NELFA: variants seen among roughly 807,000 people sequenced by gnomAD.
NELFA encodes negative elongation factor A.
In NELFA, 35 loss-of-function variants were observed where a neutral mutation model predicts 51.8. The ratio of observed to expected loss-of-function variants is 0.68; its 90% CI spans 0.52 to 0.90. The LOEUF (loss-of-function observed/expected upper bound fraction) is 0.90. Ranked by LOEUF, NELFA falls within the 40% of genes least tolerant of loss-of-function variation. NELFA has a pLI of 0.00. For synonymous variants in NELFA, 417 were observed against 338.4 expected, an observed-to-expected ratio of 1.23 and a Z score of -2.55; for missense variants, 658 against 746.4, an observed-to-expected ratio of 0.88 and a Z score of 1.38.
intron 4 of NELFA, chr4:1,986,699 C>T (rs964022876): frequency 2.7e-6 from 1 of 376,180 alleles, no homozygotes; most frequent in Non-Finnish European, 5.0e-6. Context: ...GCTCTGCCTC[C>T]TTCCTGTGCC....
Position 2,008,824 on chromosome 4 carries a change from G to A in NELFA, c.136C>T (p.His46Tyr), listed in dbSNP as rs1371499482. Reference sequence around the variant, plus strand: ...AGCTTCACTGCCGACGAGAGGCCATGGAAGCAGAGACGGATGTTGTCGATG... The same window carrying A: ...AGCTTCACTGCCGACGAGAGGCCATAGAAGCAGAGACGGATGTTGTCGATG... Reference protein sequence around the residue: ...AVIDNIRLCFHGLSSAVKLKL... With the variant: ...AVIDNIRLCFYGLSSAVKLKL... Residue 46 changes from histidine to tyrosine, a missense_variant, in exon 1 of 11, where the codon CAT (histidine) becomes TAT (tyrosine). Around this residue, in one of 3 missense-constraint regions of NELFA, gnomAD observed 371 missense variants for 448.3 expected, o/e 0.83. Coordinates refer to ENST00000382882, the MANE Select transcript of NELFA (RefSeq NM_005663.5). 14 of 1,612,060 alleles carry A rather than the reference G, an allele frequency of 8.7e-6. No homozygotes were observed. Among genetic ancestry groups the A allele is most frequent in the East Asian group, 2.2e-5 (1 of 44,794 alleles).
intron 5 of NELFA, 32 bp downstream of exon 5, chr4:1,986,239 CG>C: frequency 6.4e-7 from 1 of 1,566,752 alleles, no homozygotes; most frequent in East Asian, 2.4e-5. Flanking sequence ...CAACGGGCCC[CG>C]GGGTGCCACA....
In NELFA at chr4:1,986,392, T is replaced by C. The variant is rs200107238; in HGVS notation, c.645A>G (p.Lys215=). The C allele has an allele frequency of 1.3e-4, 211 of 1,612,270 alleles. 5 individuals carry two copies. The East Asian group carries it at 1.9e-3, about 14-fold the overall frequency. ...TGAAGGGCGCCTGCTTCGGGATGCC[T>C]TTGAGTGGGGCTGGAGGACGGCAAC... ...LRKMDTTTPL[K]GIPKQAPFRS... The change falls in exon 5 of 11, where the codon AAA becomes AAG. Residue 215 remains lysine (K), a synonymous_variant. Coordinates refer to ENST00000382882, the MANE Select transcript of NELFA (RefSeq NM_005663.5).
chr4:1,986,237 C>T, intron 5 of NELFA, 35 bp downstream of exon 5: 1 of 1,566,158 alleles, frequency 6.4e-7, no homozygotes, highest in Non-Finnish European at 8.7e-7. Flanking sequence ...CGCAACGGGC[C>T]CCGGGGTGCC....
At position 1,989,872 on chromosome 4, in the gene NELFA, G is replaced by A; in HGVS notation, c.383-3C>T. The A allele has an allele frequency of 6.2e-7, 1 of 1,612,624 alleles. No individual in the cohort carries two copies. The highest frequency in any genetic ancestry group is 8.5e-7 in the Non-Finnish European group (1 of 1,179,370). On this transcript the variant is annotated splice_region_variant and splice_polypyrimidine_tract_variant and intron_variant, in intron 2 of 10. Transcript: ENST00000382882. This position sits in a 1 kb window ranked among gnomAD's most constrained non-coding sequence, Gnocchi z 4.8. ...GGCAGACGCTTCACACTCACCCACT[G>A]CCGGTAAGAACCACATGAAGTTAGG... is the stretch of plus-strand genomic sequence containing the variant.
chr4:1,986,453 C>T lies in NELFA; in HGVS notation c.635-51G>A, dbSNP rs373731879. The T allele has an allele frequency of 3.1e-6, 5 of 1,596,674 alleles. No individual in the cohort carries two copies. In the African/African-American group the frequency reaches 6.0e-5, roughly 19 times the overall value. Reference sequence around the variant, plus strand: ...CCAGCAGCAGTGACCGGCAAACGTCCCCCACCCCGAGCTCAGAACGTCCCA... The same window carrying T: ...CCAGCAGCAGTGACCGGCAAACGTCTCCCACCCCGAGCTCAGAACGTCCCA... On this transcript the variant is annotated intron_variant, in intron 4 of 10. Transcript: ENST00000382882.
chr4:1,987,940 C>T lies in NELFA; in HGVS notation c.612G>A (p.Leu204=). The change falls in exon 4 of 11, where the codon CTG becomes CTA. Residue 204 remains leucine (L), a synonymous_variant. Coordinates refer to ENST00000382882, the MANE Select transcript of NELFA (RefSeq NM_005663.5). ...GVPFHAKGRG[L]LRKMDTTTPL... ...TACTGGTGGTGTCCATCTTCCGCAG[C>T]AGCCCCCGGCCCTTGGCGTGGAAGG... The T allele has an allele frequency of 6.2e-7, 1 of 1,609,378 alleles. No individual in the cohort carries two copies. Among genetic ancestry groups the T allele is most frequent in the South Asian group, 1.1e-5 (1 of 89,750 alleles).
intron 4 of NELFA, among the ~76,000 whole-genome samples, chr4:1,986,858 A>G (rs553297130): frequency 2.0e-5 from 3 of 152,212 alleles, no homozygotes; most frequent in East Asian, 3.9e-4. Context: ...CGTGGCTCTC[A>G]TGGTGCCAGG....
At position 1,985,849 on chromosome 4, in the gene NELFA, T is replaced by A. The variant is rs1169595395; in HGVS notation, c.851A>T (p.Glu284Val). ...RRKTLDAEVV[E>V]KPAKEETVVE... ...CACCGTTTCCTCCTTGGCCGGCTTC[T>A]CCACCACCTCCGCATCTGTGGACAA... is the stretch of plus-strand genomic sequence containing the variant. Residue 284 changes from glutamate (E) to valine (V), a missense_variant, in exon 7 of 11, where the codon GAG (glutamate) becomes GTG (valine). Around this residue, in one of 3 missense-constraint regions of NELFA, gnomAD observed 371 missense variants for 448.3 expected, o/e 0.83. Coordinates refer to ENST00000382882, the MANE Select transcript of NELFA (RefSeq NM_005663.5). 9.3e-6 allele frequency: 15 copies of A among 1,612,764 alleles called. No homozygotes were observed. Among genetic ancestry groups the A allele is most frequent in the East Asian group, 4.5e-5 (2 of 44,836 alleles).
chr4:2,001,761 G>A (rs1033424363), intron 1 of NELFA, among the ~76,000 whole-genome samples: 1 of 152,154 alleles, frequency 6.6e-6, no homozygotes, highest in Non-Finnish European at 1.5e-5. Flanking sequence ...AAATTAGCCG[G>A]GCGTGGTGGC....
chr4:2,007,832 T>C (rs969801716), intron 1 of NELFA: 49 of 374,896 alleles, frequency 1.3e-4, no homozygotes, highest in Middle Eastern at 1.1e-3. Context: ...TTACAACCTA[T>C]AATAGCTAAT....
chr4:1,999,234 C>T (rs1026533622), intron 1 of NELFA, among the ~76,000 whole-genome samples: 1 of 150,910 alleles, frequency 6.6e-6, no homozygotes, highest in Admixed American at 6.7e-5. Flanking sequence ...AAAGAAACTG[C>T]ATCTAGTGTG....
chr4:1,988,858 C>A (rs751576659), intron 3 of NELFA, among the ~76,000 whole-genome samples: 4 of 152,104 alleles, frequency 2.6e-5, no homozygotes, highest in Non-Finnish European at 4.4e-5. Context: ...TGGCACCCAC[C>A]GTGCCCAACA....
chr4:1,986,458 C>T, intron 4 of NELFA, 56 bp from the exon 5 acceptor site: 4 of 1,596,466 alleles, frequency 2.5e-6, no homozygotes, highest in Non-Finnish European at 3.4e-6. Flanking sequence ...ACGTCCCCCA[C>T]CCCGAGCTCA....
In NELFA at chr4:1,986,590, C is replaced by T. The variant is rs1560861331; in HGVS notation, c.635-188G>A. 6 of 837,616 alleles carry T rather than the reference C, an allele frequency of 7.2e-6. No homozygotes were observed. The East Asian group carries it at 1.7e-4, about 23-fold the overall frequency. The allele number at this position is 837,616 out of a possible 1,614,324, so 51.9% of individuals were successfully genotyped here. On this transcript the variant is annotated intron_variant, in intron 4 of 10. Coordinates refer to ENST00000382882, the MANE Select transcript of NELFA (RefSeq NM_005663.5). The stretch of plus-strand genomic sequence containing the variant: ...AGCAGGGGAACGCCTGGAGCCACGA[C>T]CTCACACTTTGCCAAGACACCAAAC...
In NELFA at chr4:1,989,166, G is replaced by T. The variant is rs1004053267; in HGVS notation, c.544+542C>A. On this transcript the variant is annotated intron_variant, in intron 3 of 10. Coordinates refer to ENST00000382882, the MANE Select transcript of NELFA (RefSeq NM_005663.5). The surrounding 1 kb of genome is among the most constrained non-coding windows in gnomAD (Gnocchi z 4.8). ...TCACCATGTGGGCCAGGCTGGTCTC[G>T]ATCTCCTGACCTCAGGTGATCTGCT... 1.3e-5 allele frequency among the ~76,000 whole-genome samples: 2 copies of T among 151,970 alleles called. No homozygotes were observed. The highest frequency in any genetic ancestry group is 1.3e-4 in the Admixed American group (2 of 15,250).
chr4:1,984,055 C>G lies in NELFA; in HGVS notation c.1095G>C (p.Thr365=). The G allele has an allele frequency of 6.2e-7, 1 of 1,602,544 alleles. No homozygotes were observed. Among genetic ancestry groups the G allele is most frequent in the Non-Finnish European group, 8.5e-7 (1 of 1,177,878 alleles). ...CCCGCTGCTTGAACTGCGCTGGCAA[C>G]GTGGGGCTCGGGGCGCTGGGCTCCT... is the stretch of plus-strand genomic sequence containing the variant. ...PPEEPSAPSP[T]LPAQFKQRAP... Residue 365 remains threonine (T), a synonymous_variant, in exon 9 of 11, where the codon ACG becomes ACC. Coordinates refer to ENST00000382882, the MANE Select transcript of NELFA (RefSeq NM_005663.5).
intron 1 of NELFA, chr4:2,003,749 A>G (rs889016011): frequency 1.0e-4 from 15 of 149,952 alleles, no homozygotes; most frequent in Admixed American, 9.9e-4. Context: ...GAGTGAGGGG[A>G]GGGAACTTAA....
intron 1 of NELFA, among the ~76,000 whole-genome samples, chr4:1,994,111 G>T (rs1241182893): frequency 1.3e-5 from 2 of 152,150 alleles, no homozygotes; most frequent in African/African-American, 4.8e-5. Context: ...GCTTTTCAGA[G>T]GAATAGGGCC....
Sources: allele counts gnomAD v4.1 joint callset (sites outside exome capture counted in the v4.1 genomes callset), GRCh38; gene constraint gnomAD v4.1.1; regional missense constraint gnomAD v4.1.1; non-coding constraint Gnocchi (gnomAD v3.1); transcripts MANE v1.5; gene names NCBI Gene and HGNC (gene_info 2026-07-23, HGNC 2026-07-21).